The following MAGI2 variants were observed in gnomAD, a reference collection of about 807,000 sequenced individuals.
The protein encoded by MAGI2 is membrane-associated guanylate kinase, WW and PDZ domain-containing protein 2.
MAGI2 carries 35 observed loss-of-function variants against 133.3 expected under a neutral mutation model. That is an observed-to-expected ratio of 0.26 (90% CI 0.20 to 0.35). MAGI2 has a LOEUF of 0.35. Ranked by LOEUF, MAGI2 falls within the 10% of genes least tolerant of loss-of-function variation. The pLI is 1.00. For synonymous variants in MAGI2, 729 were observed against 710.6 expected (o/e 1.03, Z -0.41); for missense variants, 1,636 against 1,863.4 (o/e 0.88, Z 2.25).
intron 21 of MAGI2, among the ~76,000 whole-genome samples, chr7:78,052,337 G>C (rs189221988): frequency 1.2e-4 from 18 of 152,264 alleles, no homozygotes; most frequent in African/African-American, 4.3e-4. Flanking sequence ...TTGTTGGAAA[G>C]AGCCTGGCAC....
At chr7:78,902,778 A>G (rs17151643) in intron 2 of MAGI2, among the ~76,000 whole-genome samples, 25,584 of 152,168 alleles carry the variant, frequency 0.17, 2,620 homozygotes, top group African/African-American at 0.28. Flanking sequence ...CAAAAGCTCA[A>G]TTGGACCCCT....
At chr7:78,452,121 C>A (rs141059520) in intron 6 of MAGI2, among the ~76,000 whole-genome samples, 1 of 152,048 alleles carries the variant, frequency 6.6e-6, no homozygotes, top group East Asian at 1.9e-4. Context: ...TGAGTGTGGA[C>A]TGTGTTCTAT....
chr7:78,097,758 C>T (rs988006089), intron 20 of MAGI2, among the ~76,000 whole-genome samples: 1 of 152,006 alleles, frequency 6.6e-6, no homozygotes, highest in Non-Finnish European at 1.5e-5. Flanking sequence ...ACAACAAACC[C>T]CCATGACACA....
intron 9 of MAGI2, among the ~76,000 whole-genome samples, chr7:78,273,358 T>C (rs1794763194): frequency 6.6e-6 from 1 of 152,232 alleles, no homozygotes; most frequent in Admixed American, 6.5e-5. Flanking sequence ...TCTCTCTGGC[T>C]GCCCTTAACA....
In MAGI2 at chr7:78,682,995, A is replaced by G. The variant is rs1815861601; in HGVS notation, c.419-55756T>C. The stretch of plus-strand genomic sequence containing the variant: ...GTATAAGAACAATAATAAGTAGATT[A>G]TTGCTAAATTTTGAGAGAATCTAGC... On this transcript the variant is annotated intron_variant, in intron 2 of 21. Coordinates refer to ENST00000354212, the MANE Select transcript of MAGI2 (RefSeq NM_012301.4). 2.0e-5 allele frequency among the ~76,000 whole-genome samples: 3 copies of G among 152,220 alleles called. No individual in the cohort carries two copies. The South Asian group carries it at 6.2e-4, about 32-fold the overall frequency.
rs78980766 is a variant in MAGI2 at position 78,153,771 on chromosome 7, G to T, written c.2845+6254C>A. ...TACCTTATTTTCCATGCTGATTCCT[G>T]GCATCATGTAATTTAGAGCTGGAAG... On this transcript the variant is annotated intron_variant, in intron 16 of 21. Transcript: ENST00000354212. Among the ~76,000 whole-genome samples the T allele has an allele frequency of 4.8e-3, 737 of 152,270 alleles. 5 individuals are homozygous for T. Among genetic ancestry groups the T allele is most frequent in the African/African-American group, 0.017 (711 of 41,554 alleles).
chr7:79,399,311 C>G (rs1355759955), intron 1 of MAGI2, among the ~76,000 whole-genome samples: 1 of 151,888 alleles, frequency 6.6e-6, no homozygotes, highest in Non-Finnish European at 1.5e-5. Context: ...CCAGGCTGGT[C>G]TCAAACTCCT....
At chr7:78,308,182 T>C (rs568125156) in intron 9 of MAGI2, among the ~76,000 whole-genome samples, 18 of 152,182 alleles carry the variant, frequency 1.2e-4, no homozygotes, top group Non-Finnish European at 2.2e-4. Context: ...GGATGTGATA[T>C]AGGAGAGCTT....
intron 2 of MAGI2, among the ~76,000 whole-genome samples, chr7:78,875,415 G>A (rs514463): frequency 0.79 from 120,025 of 152,084 alleles, 50,469 homozygotes; most frequent in Non-Finnish European, 0.93. Flanking sequence ...TATAAACCCC[G>A]TCCATATCTT....
chr7:78,448,869 G>A (rs1788425337), intron 6 of MAGI2, among the ~76,000 whole-genome samples: 1 of 151,956 alleles, frequency 6.6e-6, no homozygotes, highest in African/African-American at 2.4e-5. Context: ...GATAACTAAA[G>A]ACAAGCTTTA....
In MAGI2 at chr7:78,256,176, G is replaced by C; in HGVS notation, c.1814C>G (p.Thr605Ser). The C allele has an allele frequency of 6.2e-7, 1 of 1,613,978 alleles. No individual in the cohort carries two copies. Among genetic ancestry groups the C allele is most frequent in the Non-Finnish European group, 8.5e-7 (1 of 1,179,988 alleles). Residue 605 changes from threonine (T) to serine (S), a missense_variant, in exon 10 of 22, where the codon ACC becomes AGC. Around this residue, in one of 5 missense-constraint regions of MAGI2, gnomAD observed 920 missense variants for 1,093.5 expected, o/e 0.84. Coordinates refer to ENST00000354212, the MANE Select transcript of MAGI2 (RefSeq NM_012301.4). ...SSGATQAELMTLTIVKGAQGF... is the reference protein window; with the variant it reads ...SSGATQAELMSLTIVKGAQGF... ...CTGGGCACCTTTCACAATGGTTAAG[G>C]TCATAAGTTCAGCTTGGGTGGCCCC...
chr7:79,396,352 C>A (rs1264216829), intron 1 of MAGI2, among the ~76,000 whole-genome samples: 1 of 152,164 alleles, frequency 6.6e-6, no homozygotes, highest in Non-Finnish European at 1.5e-5. Context: ...AGAAGGGGAT[C>A]AGTCCCAGAA....
intron 1 of MAGI2, among the ~76,000 whole-genome samples, chr7:79,448,319 A>G (rs1849002549): frequency 6.6e-6 from 1 of 152,042 alleles, no homozygotes. Flanking sequence ...TTAAAATACA[A>G]CTTGCAAAAT....
intron 2 of MAGI2, among the ~76,000 whole-genome samples, chr7:78,944,874 C>T (rs894636898): frequency 1.3e-5 from 2 of 151,830 alleles, no homozygotes; most frequent in Non-Finnish European, 2.9e-5. Context: ...GTAGATGGAA[C>T]TACAGGTGCA....
intron 1 of MAGI2, among the ~76,000 whole-genome samples, chr7:79,357,383 C>T (rs1399268637): frequency 1.3e-5 from 2 of 151,796 alleles, no homozygotes; most frequent in Non-Finnish European, 2.9e-5. Context: ...GGCATAAATG[C>T]TGACTGCAAT....
chr7:79,053,710 A>G (rs1332117489), intron 1 of MAGI2, among the ~76,000 whole-genome samples: 1 of 152,232 alleles, frequency 6.6e-6, no homozygotes, highest in East Asian at 1.9e-4. Flanking sequence ...ACAGACTTCC[A>G]TAATAATTGA....
chr7:78,783,679 G>C (rs1325753266), intron 2 of MAGI2, among the ~76,000 whole-genome samples: 1 of 152,098 alleles, frequency 6.6e-6, no homozygotes, highest in Non-Finnish European at 1.5e-5. Flanking sequence ...TCAATTTCTG[G>C]CTCTCAGGTT....
intron 3 of MAGI2, among the ~76,000 whole-genome samples, chr7:78,528,645 G>A (rs574267592): frequency 1.8e-4 from 28 of 152,160 alleles, no homozygotes; most frequent in Middle Eastern, 3.4e-3. Context: ...TCTTACTGCA[G>A]AATTCTTTTG....
intron 2 of MAGI2, among the ~76,000 whole-genome samples, chr7:78,900,329 A>T (rs1316269365): frequency 6.6e-6 from 1 of 152,092 alleles, no homozygotes; most frequent in Non-Finnish European, 1.5e-5. Flanking sequence ...CTCTCCTTTG[A>T]TGTTTTCCTA....
Sources: gnomAD v4.1 joint callset for allele counts (sites outside exome capture counted in the v4.1 genomes callset) on GRCh38, gnomAD v4.1.1 for gene constraint, gnomAD v4.1.1 regional missense constraint, MANE v1.5 for transcripts, NCBI Gene and HGNC (gene_info 2026-07-23, HGNC 2026-07-21) for gene names.